Variants in SYT14 observed in about 807,000 individuals in gnomAD.
SYT14 encodes synaptotagmin-14.
In SYT14, 32 loss-of-function variants were observed where a neutral mutation model predicts 74.2. The ratio of observed to expected loss-of-function variants is 0.43; its 90% CI spans 0.33 to 0.58. The LOEUF (loss-of-function observed/expected upper bound fraction) is 0.58, where lower values mean the gene tolerates loss of function less well. Among genes scored for constraint, SYT14 ranks in the 20% least tolerant of loss-of-function variants. SYT14 has a pLI of 0.05. For synonymous variants in SYT14, 298 were observed against 337.7 expected (o/e 0.88, Z 1.29); for missense variants, 791 against 981.8 (o/e 0.81, Z 2.60).
intron 5 of SYT14, among the ~76,000 whole-genome samples, chr1:210,064,059 A>T (rs771907435): frequency 1.8e-4 from 28 of 151,894 alleles, no homozygotes; most frequent in Non-Finnish European, 3.7e-4. Flanking sequence ...ACACTAGTGA[A>T]TTTTTTCTAT....
chr1:210,070,203 C>A (rs1321242886), intron 5 of SYT14, among the ~76,000 whole-genome samples: 2 of 152,038 alleles, frequency 1.3e-5, no homozygotes, highest in Non-Finnish European at 2.9e-5. Context: ...ATTTAAGGAT[C>A]TTGGGAGCTT....
chr1:209,942,553 C>T (rs1317328438), intron 1 of SYT14, among the ~76,000 whole-genome samples: 3 of 152,070 alleles, frequency 2.0e-5, no homozygotes, highest in Non-Finnish European at 2.9e-5. Context: ...TTAGTTTATG[C>T]CCTTATCGCT....
chr1:210,100,304 A>G (rs755032934), exon 7 of SYT14: 1 of 1,614,156 alleles, frequency 6.2e-7, no homozygotes, highest in South Asian at 1.1e-5. Context: ...GTTGAATCTG[A>G]GATGATTGGA....
chr1:209,942,486 A>T (rs1389313869), intron 1 of SYT14, among the ~76,000 whole-genome samples: 1 of 151,688 alleles, frequency 6.6e-6, no homozygotes, highest in Non-Finnish European at 1.5e-5. Flanking sequence ...TCTGTTGATA[A>T]CTAAGTCCTG....
chr1:209,938,332 G>A, intron 1 of SYT14, 55 bp downstream of exon 1: 4 of 1,522,034 alleles, frequency 2.6e-6, no homozygotes, highest in Non-Finnish European at 3.5e-6. Context: ...GCTGGCGGGG[G>A]GCTCGGAGGT....
At chr1:210,162,305 T>C in exon 10 of SYT14, 1 of 444,362 alleles carries the variant, frequency 2.3e-6, no homozygotes, top group African/African-American at 2.0e-5. Flanking sequence ...CTTCGATTTT[T>C]ATAAATGTAA....
At chr1:210,125,272 C>A (rs1256675179) in intron 7 of SYT14, among the ~76,000 whole-genome samples, 1 of 151,510 alleles carries the variant, frequency 6.6e-6, no homozygotes, top group Admixed American at 6.6e-5. Flanking sequence ...TATGTGTACC[C>A]ATTATTTAGT....
At chr1:210,018,603 A>T (rs227224) in intron 4 of SYT14, among the ~76,000 whole-genome samples, 52,112 of 152,102 alleles carry the variant, frequency 0.34, 9,894 homozygotes, top group Non-Finnish European at 0.42. Flanking sequence ...AGTACATTAC[A>T]AATAGCATGT....
At chr1:210,105,261 C>G (rs1478097598) in intron 7 of SYT14, among the ~76,000 whole-genome samples, 1 of 152,206 alleles carries the variant, frequency 6.6e-6, no homozygotes, top group Non-Finnish European at 1.5e-5. Context: ...TGTGAGTCAA[C>G]TCCGGCATGT....
intron 2 of SYT14, chr1:209,953,261 T>C: frequency 1.6e-6 from 2 of 1,286,970 alleles, no homozygotes; most frequent in Non-Finnish European, 2.0e-6. Flanking sequence ...CCAGGAAAGG[T>C]AATTCAGTTA....
At chr1:209,983,682 C>T (rs2205991) in intron 2 of SYT14, among the ~76,000 whole-genome samples, 1 of 152,112 alleles carries the variant, frequency 6.6e-6, no homozygotes, top group Non-Finnish European at 1.5e-5. Context: ...ATTAAACATC[C>T]TTAACTAGTA....
chr1:210,117,000 C>A (rs17015600), intron 7 of SYT14, among the ~76,000 whole-genome samples: 1 of 152,032 alleles, frequency 6.6e-6, no homozygotes, highest in African/African-American at 2.4e-5. Flanking sequence ...TAAATAGGAA[C>A]ACATCAGGAG....
chr1:209,975,936 G>A (rs1007244903), intron 2 of SYT14, among the ~76,000 whole-genome samples: 1 of 152,182 alleles, frequency 6.6e-6, no homozygotes, highest in Admixed American at 6.5e-5. Context: ...TCTTGGGAGG[G>A]TGTATGTGTC....
At chr1:209,992,577 G>C (rs1248442976) in intron 2 of SYT14, among the ~76,000 whole-genome samples, 1 of 152,016 alleles carries the variant, frequency 6.6e-6, no homozygotes, top group Non-Finnish European at 1.5e-5. Flanking sequence ...TTACTTAATG[G>C]GTACAGTGTA....
rs570515138 is a variant in SYT14 at position 209,997,522 on chromosome 1, G to A, written c.-485-16111G>A. Among the ~76,000 whole-genome samples the A allele has an allele frequency of 1.0e-3, 157 of 152,158 alleles. 1 individual carries two copies. The highest frequency in any genetic ancestry group is 1.9e-3 in the Non-Finnish European group (129 of 67,950). ...CTCATGAATTGGAAGAATTAATATCGTTAAAATGGCCACACTGCCCAGTGC... is the reference window on the plus strand; with the variant it reads ...CTCATGAATTGGAAGAATTAATATCATTAAAATGGCCACACTGCCCAGTGC... On this transcript the variant is annotated intron_variant, in intron 2 of 9. Transcript: ENST00000637265.
intron 2 of SYT14, among the ~76,000 whole-genome samples, chr1:209,961,671 G>A (rs2079077476): frequency 6.6e-6 from 1 of 152,034 alleles, no homozygotes; most frequent in African/African-American, 2.4e-5. Context: ...TTATCTTACT[G>A]AAGAAGGTAG....
intron 7 of SYT14, among the ~76,000 whole-genome samples, chr1:210,142,266 A>G (rs1459791916): frequency 1.3e-5 from 2 of 152,190 alleles, no homozygotes; most frequent in Non-Finnish European, 2.9e-5. Context: ...GGAGAGGGTA[A>G]TGGGAATAGG....
rs2083492384 is a variant in SYT14 at position 210,169,221 on chromosome 1, G to GTTTTGTTTTTT, written c.*8183_*8184insGTTTTTTTTTT. The GTTTTGTTTTTT allele has an allele frequency of 2.0e-4, 10 of 50,240 alleles. 1 individual carries two copies. The highest frequency in any genetic ancestry group is 9.6e-4 in the South Asian group (1 of 1,044). 3.1% of individuals were successfully genotyped at this position (50,240 alleles called of 1,614,324 possible). A position where few individuals can be genotyped will look rare whatever the true frequency, so the allele number is the denominator to read the frequency against. Reference sequence around the variant, plus strand: ...CTTTTTTGGTTTTTATGTTTTTGGTGTTTTTTTTTTTTTTTTTTTTTTTTT... The same window carrying GTTTTGTTTTTT: ...CTTTTTTGGTTTTTATGTTTTTGGTGTTTTGTTTTTTTTTTTTTTTTTTTTTTTTTTTTTTT... On this transcript the variant is annotated 3_prime_UTR_variant, in exon 10 of 10. Transcript: ENST00000637265.
chr1:210,062,624 G>A (rs1028654450), intron 5 of SYT14, among the ~76,000 whole-genome samples: 18 of 151,728 alleles, frequency 1.2e-4, no homozygotes, highest in African/African-American at 2.9e-4. Flanking sequence ...ACAACTAAAC[G>A]TTGTAGTTTA....
Sources: allele counts gnomAD v4.1 joint callset (sites outside exome capture counted in the v4.1 genomes callset), GRCh38; gene constraint gnomAD v4.1.1; transcripts MANE v1.5; gene names NCBI Gene and HGNC (gene_info 2026-07-23, HGNC 2026-07-21).